Variants in CACNG3 observed in about 807,000 individuals in gnomAD.
The protein encoded by CACNG3 is voltage-dependent calcium channel gamma-3 subunit.
A neutral mutation model predicts 28.5 loss-of-function variants in CACNG3; 3 were observed. That is an observed-to-expected ratio of 0.11 (90% confidence interval 0.05 to 0.27). The LOEUF (loss-of-function observed/expected upper bound fraction) is 0.27. CACNG3 is among the 10% of genes least tolerant of loss of function. The probability of loss-of-function intolerance (pLI) is 1.00; values close to 1 mark genes in which losing one functional copy is unlikely to be tolerated. For missense variants in CACNG3, 236 were observed against 414.4 expected (o/e 0.57, Z 3.74); for synonymous variants, 174 against 162.2 (o/e 1.07, Z -0.55).
intron 1 of CACNG3, among the ~76,000 whole-genome samples, chr16:24,262,003 C>T (rs1396654842): frequency 6.6e-6 from 1 of 152,122 alleles, no homozygotes; most frequent in Non-Finnish European, 1.5e-5. Context: ...GTGCTAGGTG[C>T]TTTTGTACAT....
intron 3 of CACNG3, among the ~76,000 whole-genome samples, chr16:24,358,008 AC>A (rs1039493065): frequency 1.3e-5 from 2 of 151,898 alleles, no homozygotes; most frequent in Non-Finnish European, 2.9e-5. Flanking sequence ...CTAATCCTAG[AC>A]CCTTCCACTG....
At chr16:24,295,982 T>C (rs74705765) in intron 1 of CACNG3, among the ~76,000 whole-genome samples, 3,657 of 152,272 alleles carry the variant, frequency 0.024, 53 homozygotes, top group Middle Eastern at 0.058. Flanking sequence ...TAGACCAGGA[T>C]TTGAACCAGA....
chr16:24,289,355 G>A (rs1898936197), intron 1 of CACNG3, among the ~76,000 whole-genome samples: 1 of 152,124 alleles, frequency 6.6e-6, no homozygotes, highest in East Asian at 1.9e-4. Flanking sequence ...TTATGTGATG[G>A]TGGGGAAAAG....
chr16:24,272,206 T>C (rs2141347839), intron 1 of CACNG3, among the ~76,000 whole-genome samples: 1 of 152,268 alleles, frequency 6.6e-6, no homozygotes, highest in African/African-American at 2.4e-5. Context: ...ATTTTGTTAA[T>C]TAAAACACTT....
intron 1 of CACNG3, among the ~76,000 whole-genome samples, chr16:24,286,893 G>A (rs1482849960): frequency 1.3e-5 from 2 of 152,166 alleles, no homozygotes; most frequent in Non-Finnish European, 2.9e-5. Context: ...TTTCATTAGA[G>A]CCCCAGGCAG....
intron 1 of CACNG3, among the ~76,000 whole-genome samples, chr16:24,310,334 T>A (rs1166939936): frequency 3.9e-5 from 6 of 152,004 alleles, no homozygotes; most frequent in African/African-American, 1.2e-4. Flanking sequence ...GAGGCCAAGG[T>A]GGGCGGATCA....
chr16:24,334,862 T>C (rs1412670247), intron 1 of CACNG3, among the ~76,000 whole-genome samples: 2 of 152,166 alleles, frequency 1.3e-5, no homozygotes, highest in Non-Finnish European at 2.9e-5. Context: ...TACACACGCA[T>C]GCATGCACCC....
intron 1 of CACNG3, among the ~76,000 whole-genome samples, chr16:24,279,642 A>C (rs1898798454): frequency 6.6e-6 from 1 of 152,158 alleles, no homozygotes; most frequent in Admixed American, 6.6e-5. Flanking sequence ...ACATTAATGC[A>C]ATAATCCCAT....
intron 3 of CACNG3, among the ~76,000 whole-genome samples, chr16:24,359,864 A>AAAAAC (rs139365514): frequency 1.7e-4 from 26 of 151,884 alleles, no homozygotes; most frequent in Non-Finnish European, 1.8e-4. Flanking sequence ...TCCTATCTCT[A>AAAAAC]AAAACAAAAC....
Position 24,311,207 on chromosome 16 carries a change from T to C in CACNG3, c.212-35527T>C, listed in dbSNP as rs143835163. 1.9e-3 allele frequency among the ~76,000 whole-genome samples: 297 copies of C among 152,308 alleles called. 2 individuals carry two copies. Among genetic ancestry groups the C allele is most frequent in the African/African-American group, 7.0e-3 (290 of 41,552 alleles). ...CCCATGGGGTTATTATGAGTTAGTG[T>C]GTGTAAGGTGCCATTAAAAAGTACC... On this transcript the variant is annotated intron_variant, in intron 1 of 3. Transcript: ENST00000005284.
At chr16:24,342,723 G>A (rs995992488) in intron 1 of CACNG3, among the ~76,000 whole-genome samples, 5 of 152,050 alleles carry the variant, frequency 3.3e-5, no homozygotes, top group African/African-American at 1.2e-4. Context: ...GCACGATTGT[G>A]TTTCAATAAA....
intron 2 of CACNG3, among the ~76,000 whole-genome samples, chr16:24,349,872 C>T (rs182092573): frequency 4.7e-4 from 72 of 152,190 alleles, no homozygotes; most frequent in Non-Finnish European, 8.2e-4. Context: ...CTGTTTCCAA[C>T]GCCTCTGACA....
At chr16:24,332,997 T>G (rs1179668435) in intron 1 of CACNG3, among the ~76,000 whole-genome samples, 1 of 152,202 alleles carries the variant, frequency 6.6e-6, no homozygotes, top group Non-Finnish European at 1.5e-5. Context: ...ACAAGAATGA[T>G]GATGTGATAG....
At chr16:24,349,182 G>C (rs1400030961) in intron 2 of CACNG3, among the ~76,000 whole-genome samples, 1 of 152,192 alleles carries the variant, frequency 6.6e-6, no homozygotes, top group South Asian at 2.1e-4. Context: ...CCACAACCCT[G>C]GTGGGAATGG....
At chr16:24,279,691 T>C (rs1339190543) in intron 1 of CACNG3, among the ~76,000 whole-genome samples, 1 of 152,190 alleles carries the variant, frequency 6.6e-6, no homozygotes, top group African/African-American at 2.4e-5. Context: ...ATGGACTCAT[T>C]GGCCATCACT....
chr16:24,309,658 C>T (rs553679892), intron 1 of CACNG3, among the ~76,000 whole-genome samples: 2 of 152,294 alleles, frequency 1.3e-5, no homozygotes, highest in African/African-American at 4.8e-5. Context: ...GTGATGATTT[C>T]TCCACAAAGC....
chr16:24,359,063 C>T (rs1384117270), intron 3 of CACNG3, among the ~76,000 whole-genome samples: 1 of 152,062 alleles, frequency 6.6e-6, no homozygotes, highest in East Asian at 1.9e-4. Context: ...TTCCCCACTC[C>T]CCGCCACCCA....
At chr16:24,285,524 A>T (rs970155956) in intron 1 of CACNG3, among the ~76,000 whole-genome samples, 1 of 152,108 alleles carries the variant, frequency 6.6e-6, no homozygotes, top group Non-Finnish European at 1.5e-5. Context: ...AAGGAGCATC[A>T]TTTGCTTTTG....
At chr16:24,310,432 C>T (rs890655785) in intron 1 of CACNG3, among the ~76,000 whole-genome samples, 19 of 152,174 alleles carry the variant, frequency 1.2e-4, no homozygotes, top group African/African-American at 4.1e-4. Context: ...GGTGTGGTGG[C>T]GCATGCCTGT....
Sources: allele counts gnomAD v4.1 joint callset (sites outside exome capture counted in the v4.1 genomes callset), GRCh38; gene constraint gnomAD v4.1.1; transcripts MANE v1.5; gene names NCBI Gene and HGNC (gene_info 2026-07-23, HGNC 2026-07-21).